HMMR: variants seen among roughly 807,000 people sequenced by gnomAD.
HMMR encodes the protein intracellular hyaluronic acid-binding protein.
HMMR carries 108 observed loss-of-function variants against 101.0 expected under a neutral mutation model. The observed-to-expected ratio is 1.07, with a 90% CI of 0.92 to 1.25. HMMR has a LOEUF of 1.25. Ranked by LOEUF, HMMR falls within the 50% of genes most tolerant of loss-of-function variation. The pLI is 0.00. For missense variants in HMMR, 813 were observed against 788.7 expected (o/e 1.03, Z -0.37); for synonymous variants, 296 against 276.4 (o/e 1.07, Z -0.70).
intron 4 of HMMR, 130 bp from the exon 5 acceptor site, chr5:163,469,511 T>C (rs1181450722): frequency 4.3e-6 from 3 of 699,520 alleles, no homozygotes; most frequent in Non-Finnish European, 7.4e-6. Flanking sequence ...GCTAGTAACA[T>C]TAGAATATCT....
At position 163,464,792 on chromosome 5, in the gene HMMR, C is replaced by T. The variant is rs143745216; in HGVS notation, c.215C>T (p.Ser72Leu). 9.0e-5 allele frequency: 144 copies of T among 1,608,246 alleles called. No homozygotes were observed. Among genetic ancestry groups the T allele is most frequent in the Admixed American group, 8.0e-4 (48 of 59,840 alleles). The change falls in exon 3 of 18, where the codon TCG (serine) becomes TTG (leucine). Residue 72 changes from serine to leucine, a missense_variant. By Grantham distance (145) the Ser-to-Leu change is moderately radical (BLOSUM62 -2). Transcript: ENST00000393915. ...LPASARKVKS[S>L]ESKKESQKND... Reference sequence around the variant, plus strand: ...GCTTCAGCTAGAAAAGTTAAGTCTTCGGAATCAAAGGTGAGGAGCTTTTAT... The same window carrying T: ...GCTTCAGCTAGAAAAGTTAAGTCTTTGGAATCAAAGGTGAGGAGCTTTTAT...
At position 163,490,447 on chromosome 5, in the gene HMMR, C is replaced by T; in HGVS notation, c.2020C>T (p.Gln674Ter). The change falls in exon 17 of 18, where the codon CAA becomes TAA. Residue 674 changes from glutamine (Q) to a stop codon, truncating the protein, a stop_gained. Coordinates refer to ENST00000393915, the MANE Select transcript of HMMR (RefSeq NM_001142556.2). LOFTEE classifies it high-confidence loss of function. ...AAAAAAACAAAGTGAGACAAAACTT[C>T]AAGAGGAATTGAATAAAGTTCTAGG... is the stretch of plus-strand genomic sequence containing the variant. Reference protein sequence around the residue: ...AKKKQSETKLQEELNKVLGIK... With the variant: ...AKKKQSETKL 6.3e-7 allele frequency: 1 copy of T among 1,599,362 alleles called. No homozygotes were observed. The highest frequency in any genetic ancestry group is 8.5e-7 in the Non-Finnish European group (1 of 1,173,852).
chr5:163,473,509 CA>C lies in HMMR; in HGVS notation c.858del (p.Val287Ter). ...GGAGAATATTGTTATATTATCTAAA[CA>C]AGTAGAAGATCTAAATGTGAAATGT... Reference protein sequence around the residue: ...LEENIVILSKQVEDLNVKCQL... With the variant: ...LEENIVILSKXVEDLNVKCQL... On this transcript the variant is annotated frameshift_variant, in exon 9 of 18. Transcript: ENST00000393915. LOFTEE classifies it high-confidence loss of function. The C allele has an allele frequency of 6.3e-7, 1 of 1,588,738 alleles. No homozygotes were observed. Among genetic ancestry groups the C allele is most frequent in the South Asian group, 1.1e-5 (1 of 88,128 alleles).
chr5:163,463,826 T>C (rs1758615743), intron 1 of HMMR, 30 bp from the exon 2 acceptor site: 6 of 817,636 alleles, frequency 7.3e-6, no homozygotes, highest in Middle Eastern at 3.6e-4. Context: ...TAACATTAGA[T>C]AATATATTAA....
Position 163,471,221 on chromosome 5 carries a change from C to G in HMMR, c.499C>G (p.Leu167Val), listed in dbSNP as rs1581191457. Residue 167 changes from leucine to valine, a missense_variant, in exon 6 of 18, where the codon CTA (leucine) becomes GTA (valine). Coordinates refer to ENST00000393915, the MANE Select transcript of HMMR (RefSeq NM_001142556.2). ...ENGNQKNLRI[L>V]SLELMKLRNK... ...TGGTAACCAGAAGAATTTGAGAATTCTAAGCTTGGAGTTGATGAAACTTAG... is the reference window on the plus strand; with the variant it reads ...TGGTAACCAGAAGAATTTGAGAATTGTAAGCTTGGAGTTGATGAAACTTAG... The G allele has an allele frequency of 6.2e-7, 1 of 1,612,304 alleles. No homozygotes were observed. Among genetic ancestry groups the G allele is most frequent in the Non-Finnish European group, 8.5e-7 (1 of 1,178,620 alleles).
Position 163,464,763 on chromosome 5 carries a change from G to A in HMMR, c.186G>A (p.Leu62=). 1 of 1,613,188 alleles carries A rather than the reference G, an allele frequency of 6.2e-7. No individual in the cohort carries two copies. The highest frequency in any genetic ancestry group is 8.5e-7 in the Non-Finnish European group (1 of 1,179,370). Residue 62 remains leucine (L), a synonymous_variant, in exon 3 of 18, where the codon TTG becomes TTA. Coordinates refer to ENST00000393915, the MANE Select transcript of HMMR (RefSeq NM_001142556.2). ...TTAATGTTGACAAAGATACTACCTT[G>A]CCTGCTTCAGCTAGAAAAGTTAAGT... is the stretch of plus-strand genomic sequence containing the variant. ...QNLNVDKDTT[L]PASARKVKSS... is the part of the protein sequence containing the mutation.
At position 163,483,041 on chromosome 5, in the gene HMMR, C is replaced by T; in HGVS notation, c.1554C>T (p.Thr518=). Residue 518 remains threonine, a synonymous_variant, in exon 14 of 18, where the codon ACC becomes ACT. Coordinates refer to ENST00000393915, the MANE Select transcript of HMMR (RefSeq NM_001142556.2). The stretch of plus-strand genomic sequence containing the variant: ...AAAGGATGCTTCTAGATCTGCAGAC[C>T]AAGTCAGCACTAAAGGAAACAGAAA... The part of the protein sequence containing the change: ...EYVRMLLDLQ[T]KSALKETEIK... 6.2e-7 allele frequency: 1 copy of T among 1,605,780 alleles called. No homozygotes were observed. The highest frequency in any genetic ancestry group is 1.1e-5 in the South Asian group (1 of 89,544).
At chr5:163,464,679 C>A in intron 2 of HMMR, 44 bp from the exon 3 acceptor site, 2 of 1,285,242 alleles carry the variant, frequency 1.6e-6, no homozygotes, top group Non-Finnish European at 2.2e-6. Context: ...GTAGTTAAAA[C>A]ACATTGACAT....
chr5:163,462,733 C>G (rs1758578664), intron 1 of HMMR, among the ~76,000 whole-genome samples: 1 of 147,086 alleles, frequency 6.8e-6, no homozygotes, highest in South Asian at 2.1e-4. Flanking sequence ...GAGGCTGAGG[C>G]AGGAGAATCG....
rs1758950065 is a variant in HMMR at position 163,473,176 on chromosome 5, T to C, written c.651-3T>C. On this transcript the variant is annotated splice_polypyrimidine_tract_variant and splice_region_variant and intron_variant, in intron 7 of 17. Coordinates refer to ENST00000393915, the MANE Select transcript of HMMR (RefSeq NM_001142556.2). ...GTATTAACATATGCAATTTTTGTTT[T>C]AGTGTTTCAATAGAGAAAGAAAAGA... The C allele has an allele frequency of 1.4e-6, 2 of 1,461,860 alleles. No homozygotes were observed. Among genetic ancestry groups the C allele is most frequent in the Non-Finnish European group, 1.9e-6 (2 of 1,049,572 alleles). The allele number at this position is 1,461,860 out of a possible 1,614,324, so 90.6% of individuals were successfully genotyped here.
chr5:163,478,592 A>G (rs1759146047), intron 11 of HMMR, 92 bp from the exon 12 acceptor site: 1 of 770,620 alleles, frequency 1.3e-6, no homozygotes, highest in Non-Finnish European at 2.3e-6. Context: ...TATGAGCTAT[A>G]TGATTCACAG....
chr5:163,475,435 G>A (rs1306691149), intron 10 of HMMR, 23 bp from the exon 11 acceptor site: 1 of 1,392,584 alleles, frequency 7.2e-7, no homozygotes, highest in Non-Finnish European at 1.0e-6. Flanking sequence ...AAATTATTTT[G>A]GTGGTTTTCT....
At position 163,491,880 on chromosome 5, in the gene HMMR, T is replaced by G. The variant is rs1759708051; in HGVS notation, c.*716T>G. The G allele has an allele frequency of 1.3e-5, 2 of 152,230 alleles. No homozygotes were observed. The highest frequency in any genetic ancestry group is 2.9e-5 in the Non-Finnish European group (2 of 68,042). The allele number at this position is 152,230 out of a possible 1,614,324, so 9.4% of individuals were successfully genotyped here. ...TACTGCTTGTCATCTGCATGTCTAC[T>G]CAGCATTTGATTAACATTTGTGTAA... On this transcript the variant is annotated 3_prime_UTR_variant, in exon 18 of 18. Coordinates refer to ENST00000393915, the MANE Select transcript of HMMR (RefSeq NM_001142556.2).
At chr5:163,464,413 C>T (rs1258718673) in intron 2 of HMMR, among the ~76,000 whole-genome samples, 3 of 152,058 alleles carry the variant, frequency 2.0e-5, no homozygotes, top group Non-Finnish European at 1.5e-5. Context: ...TTCAGGATTT[C>T]GAGACAAGCC....
rs749706916 is a variant in HMMR at position 163,483,382 on chromosome 5, A to G, written c.1785+15A>G. The G allele has an allele frequency of 7.3e-7, 1 of 1,373,822 alleles. No homozygotes were observed. 85.1% of individuals were successfully genotyped at this position (1,373,822 alleles called of 1,614,324 possible). A position where few individuals can be genotyped will look rare whatever the true frequency, so the allele number is the denominator to read the frequency against. ...AACCTTTTCAGGTTTGTCAGTTAGG[A>G]GTAAACTTACTTGTGTTTATTTTAG... is the stretch of plus-strand genomic sequence containing the variant. On this transcript the variant is annotated intron_variant, in intron 15 of 17. Transcript: ENST00000393915.
At chr5:163,464,269 A>G (rs1758629748) in intron 2 of HMMR, among the ~76,000 whole-genome samples, 1 of 152,174 alleles carries the variant, frequency 6.6e-6, no homozygotes, top group South Asian at 2.1e-4. Context: ...ATGAGTAATT[A>G]TTTGAAAATG....
At chr5:163,474,325 T>C (rs533687708) in intron 10 of HMMR, 120 bp downstream of exon 10, 1 of 732,560 alleles carries the variant, frequency 1.4e-6, no homozygotes, top group Non-Finnish European at 2.3e-6. Context: ...TAGAGTCTTA[T>C]CCTGAGGACA....
At position 163,474,011 on chromosome 5, in the gene HMMR, A is replaced by T. The variant is rs777735803; in HGVS notation, c.905-46A>T. On this transcript the variant is annotated intron_variant, in intron 9 of 17. Coordinates refer to ENST00000393915, the MANE Select transcript of HMMR (RefSeq NM_001142556.2). ...TGGGAGTCCAGGTTTCTCAGTCTTA[A>T]TGTTCTTATCTAATTCCAGTATTCT... 2.0e-6 allele frequency: 3 copies of T among 1,516,428 alleles called. No homozygotes were observed. The South Asian group carries it at 3.6e-5, about 18-fold the overall frequency. 93.9% of individuals were successfully genotyped at this position (1,516,428 alleles called of 1,614,324 possible). A position where few individuals can be genotyped will look rare whatever the true frequency, so the allele number is the denominator to read the frequency against.
At chr5:163,461,511 G>C (rs576351719) in intron 1 of HMMR, among the ~76,000 whole-genome samples, 1 of 152,220 alleles carries the variant, frequency 6.6e-6, no homozygotes, top group East Asian at 1.9e-4. Context: ...GATGCTGTAT[G>C]CGGCCGGGCG....
Sources: allele counts gnomAD v4.1 joint callset (sites outside exome capture counted in the v4.1 genomes callset), GRCh38; gene constraint gnomAD v4.1.1; transcripts MANE v1.5; gene names NCBI Gene and HGNC (gene_info 2026-07-23, HGNC 2026-07-21).